Variants in DPP6 observed in about 807,000 individuals in gnomAD.
DPP6 encodes the protein A-type potassium channel modulatory protein DPP6.
A neutral mutation model predicts 122.6 loss-of-function variants in DPP6; 69 were observed. The ratio of observed to expected loss-of-function variants is 0.56; its 90% CI spans 0.46 to 0.69. The LOEUF (loss-of-function observed/expected upper bound fraction) is 0.69. Among genes scored for constraint, DPP6 ranks in the 30% least tolerant of loss-of-function variants. The pLI is 0.00. For missense variants in DPP6, 928 were observed against 1,116.9 expected, an observed-to-expected ratio of 0.83 and a Z score of 2.41; for synonymous variants, 418 against 433.1, an observed-to-expected ratio of 0.97 and a Z score of 0.43.
intron 1 of DPP6, among the ~76,000 whole-genome samples, chr7:153,971,571 A>G (rs190625161): frequency 7.6e-6 from 1 of 131,394 alleles, no homozygotes; most frequent in East Asian, 3.0e-4. Context: ...TCTCATAGAT[A>G]TCATTTGGCA....
chr7:153,935,525 C>A (rs1235386679), intron 1 of DPP6, among the ~76,000 whole-genome samples: 1 of 152,196 alleles, frequency 6.6e-6, no homozygotes, highest in Admixed American at 6.5e-5. Flanking sequence ...GCCCCGTTGG[C>A]CCCTCTCGAT....
intron 18 of DPP6, among the ~76,000 whole-genome samples, chr7:154,869,834 C>T (rs901767048): frequency 2.2e-4 from 32 of 146,724 alleles, no homozygotes; most frequent in Non-Finnish European, 3.1e-4. Flanking sequence ...GATCCGCTCC[C>T]GCCCCCACCC....
chr7:154,622,510 G>A (rs2046747), intron 5 of DPP6, among the ~76,000 whole-genome samples: 132,352 of 152,178 alleles, frequency 0.87, 58,473 homozygotes, highest in Non-Finnish European at 0.94. Context: ...GAATTACTCC[G>A]GAAGTCCTGG....
chr7:154,194,914 A>G (rs1244128195), intron 1 of DPP6, among the ~76,000 whole-genome samples: 1 of 152,218 alleles, frequency 6.6e-6, no homozygotes, highest in Non-Finnish European at 1.5e-5. Flanking sequence ...ATCGTTGGCA[A>G]ATATTTTCTC....
chr7:154,246,907 G>A (rs550063916), intron 1 of DPP6, among the ~76,000 whole-genome samples: 6 of 152,170 alleles, frequency 3.9e-5, no homozygotes, highest in Non-Finnish European at 8.8e-5. Context: ...TACAACTTTT[G>A]TGCTGGTAAA....
At chr7:153,814,086 A>C in the DPP6 span, among the ~76,000 whole-genome samples, 1 of 152,078 alleles carries the variant, frequency 6.6e-6, no homozygotes, top group Admixed American at 6.6e-5. Flanking sequence ...TTTAGACATG[A>C]AGTCCTTGCC....
chr7:154,407,194 A>G (rs1816188816), intron 1 of DPP6, among the ~76,000 whole-genome samples: 1 of 152,150 alleles, frequency 6.6e-6, no homozygotes, highest in Non-Finnish European at 1.5e-5. Context: ...TCCAACTAGA[A>G]TTCCTCCCCA....
chr7:154,801,517 G>T, intron 13 of DPP6, 55 bp downstream of exon 13: 2 of 1,513,768 alleles, frequency 1.3e-6, no homozygotes, highest in Non-Finnish European at 1.8e-6. Context: ...TAGAGGCCGT[G>T]GGGTGACAGC....
intron 3 of DPP6, among the ~76,000 whole-genome samples, chr7:154,513,657 C>A (rs905558103): frequency 6.6e-6 from 1 of 152,142 alleles, no homozygotes; most frequent in Non-Finnish European, 1.5e-5. Flanking sequence ...AAAATTTTCA[C>A]ACCACCCAAA....
the DPP6 span, among the ~76,000 whole-genome samples, chr7:153,795,242 C>A: frequency 6.6e-6 from 1 of 152,158 alleles, no homozygotes; most frequent in African/African-American, 2.4e-5. Flanking sequence ...TGGTGCAACC[C>A]CGTCTCTACT....
the DPP6 span, among the ~76,000 whole-genome samples, chr7:153,868,976 T>C: frequency 2.0e-5 from 3 of 152,234 alleles, no homozygotes; most frequent in Non-Finnish European, 4.4e-5. Flanking sequence ...GTGAGTTTCT[T>C]AATCCTGAGT....
chr7:154,746,813 A>G (rs1843056678), intron 8 of DPP6, among the ~76,000 whole-genome samples: 1 of 152,258 alleles, frequency 6.6e-6, no homozygotes. Context: ...CCAAGGAAGC[A>G]TCTGATCCTA....
chr7:154,623,137 A>G (rs1393110044), intron 5 of DPP6, among the ~76,000 whole-genome samples: 1 of 151,916 alleles, frequency 6.6e-6, no homozygotes, highest in Non-Finnish European at 1.5e-5. Flanking sequence ...GGTGAGATAA[A>G]CCCTTCATGT....
chr7:154,400,650 C>A (rs1815493415), intron 1 of DPP6, among the ~76,000 whole-genome samples: 2 of 152,142 alleles, frequency 1.3e-5, no homozygotes. Flanking sequence ...TAACTCTTAG[C>A]CAGATAGGCA....
At chr7:153,916,757 A>G (rs1307477316) in intron 1 of DPP6, among the ~76,000 whole-genome samples, 1 of 152,096 alleles carries the variant, frequency 6.6e-6, no homozygotes, top group African/African-American at 2.4e-5. Flanking sequence ...TTTGGGTCAC[A>G]CTGGTGCTTA....
intron 1 of DPP6, among the ~76,000 whole-genome samples, chr7:154,330,150 T>A (rs924257155): frequency 2.6e-5 from 4 of 152,256 alleles, no homozygotes; most frequent in Non-Finnish European, 5.9e-5. Flanking sequence ...TATACCTATG[T>A]AACAAACCTG....
rs1279679770 is a variant in DPP6 at position 154,637,933 on chromosome 7, A to C, written c.680+60A>C. The stretch of plus-strand genomic sequence containing the variant: ...TATGCAGGGCAAAGTGAAGGGTAGA[A>C]CATGGACGAGCTGTTTAACCCTTAG... On this transcript the variant is annotated intron_variant, in intron 6 of 25. Coordinates refer to ENST00000377770, the MANE Select transcript of DPP6 (RefSeq NM_130797.4). The C allele has an allele frequency of 8.5e-6, 13 of 1,528,334 alleles. No homozygotes were observed. In the African/African-American group the frequency reaches 1.5e-4, roughly 18 times the overall value. The allele number at this position is 1,528,334 out of a possible 1,614,324, so 94.7% of individuals were successfully genotyped here.
chr7:154,592,382 C>G (rs761131918), intron 5 of DPP6, among the ~76,000 whole-genome samples: 2 of 152,196 alleles, frequency 1.3e-5, no homozygotes, highest in Non-Finnish European at 2.9e-5. Flanking sequence ...CCTGCCAATA[C>G]GCATCCGTTT....
intron 2 of DPP6, among the ~76,000 whole-genome samples, chr7:154,467,198 C>T (rs894966751): frequency 6.6e-6 from 1 of 152,176 alleles, no homozygotes; most frequent in African/African-American, 2.4e-5. Context: ...CATCTTTCTT[C>T]TTCATGAATG....
Sources: gnomAD v4.1 joint callset for allele counts (sites outside exome capture counted in the v4.1 genomes callset) on GRCh38, gnomAD v4.1.1 for gene constraint, MANE v1.5 for transcripts, NCBI Gene and HGNC (gene_info 2026-07-23, HGNC 2026-07-21) for gene names.